The following ZFPM1 variants were observed in gnomAD, a reference collection of about 807,000 sequenced individuals.
ZFPM1 encodes the protein zinc finger protein ZFPM1.
A neutral mutation model predicts 46.3 loss-of-function variants in ZFPM1; 28 were observed. The observed-to-expected ratio is 0.60, with a 90% CI of 0.45 to 0.83. The LOEUF is 0.83. Ranked by LOEUF, ZFPM1 falls within the 40% of genes least tolerant of loss-of-function variation. The pLI is 0.00. For synonymous variants in ZFPM1, 957 were observed against 675.9 expected (o/e 1.42, Z -6.45); for missense variants, 1,878 against 1,432.4 (o/e 1.31, Z -5.02).
Position 88,528,033 on chromosome 16 carries a change from T to A in ZFPM1, c.507T>A (p.Asp169Glu), listed in dbSNP as rs574390569. The A allele has an allele frequency of 1.3e-6, 2 of 1,540,120 alleles. No homozygotes were observed. The highest frequency in any genetic ancestry group is 2.4e-5 in the South Asian group (2 of 83,856). Reference protein sequence around the residue: ...AEANTEIHRKDDALWCRVTKP... With the variant: ...AEANTEIHRKEDALWCRVTKP... ...GTTTGGACACCTGTCTCCCTCCAGA[T>A]GACGCACTCTGGTGCAGGGTCACCA... The change falls in exon 6 of 10, where the codon GAT (aspartate) becomes GAA (glutamate). Residue 169 changes from aspartate (D) to glutamate (E), a missense_variant and splice_region_variant. By Grantham distance (45) the Asp-to-Glu change is conservative. Coordinates refer to ENST00000319555, the MANE Select transcript of ZFPM1 (RefSeq NM_153813.3).
intron 4 of ZFPM1, chr16:88,516,310 C>A: frequency 2.5e-6 from 1 of 398,062 alleles, no homozygotes. Flanking sequence ...GTCACCCCTC[C>A]CTGTCCGCCT....
intron 3 of ZFPM1, among the ~76,000 whole-genome samples, chr16:88,502,409 T>G (rs1402294298): frequency 6.6e-6 from 1 of 151,954 alleles, no homozygotes; most frequent in East Asian, 1.9e-4. Flanking sequence ...CCCATAGGCC[T>G]GACGCCTCTG....
At position 88,532,927 on chromosome 16, in the gene ZFPM1, T is replaced by G. The variant is rs756592210; in HGVS notation, c.1181T>G (p.Leu394Arg). 14 of 1,612,992 alleles carry G rather than the reference T, an allele frequency of 8.7e-6. No individual in the cohort carries two copies. The highest frequency in any genetic ancestry group is 3.3e-5 in the Admixed American group (2 of 60,012). ...SPGAGHPATKLPPDSLGSFQQ... is the reference protein window; with the variant it reads ...SPGAGHPATKRPPDSLGSFQQ... Reference sequence around the variant, plus strand: ...GGGGCCGGACACCCAGCAACCAAGCTGCCCCCAGGTGAGCAGCCCTGTGGG... The same window carrying G: ...GGGGCCGGACACCCAGCAACCAAGCGGCCCCCAGGTGAGCAGCCCTGTGGG... The change falls in exon 9 of 10, where the codon CTG (leucine) becomes CGG (arginine). Residue 394 changes from leucine to arginine, a missense_variant. Leu to Arg is a moderately radical substitution (Grantham distance 102). Transcript: ENST00000319555.
Position 88,534,124 on chromosome 16 carries a change from A to G in ZFPM1, c.2166A>G (p.Gly722=), listed in dbSNP as rs1597292603. The G allele has an allele frequency of 6.4e-6, 7 of 1,088,606 alleles. No individual in the cohort carries two copies. Among genetic ancestry groups the G allele is most frequent in the South Asian group, 2.1e-5 (1 of 46,568 alleles). 67.4% of individuals were successfully genotyped at this position (1,088,606 alleles called of 1,614,324 possible). A position where few individuals can be genotyped will look rare whatever the true frequency, so the allele number is the denominator to read the frequency against. ...PPPRRPAAPP[G]PPGPAAPPAP... is the part of the protein sequence containing the mutation. ...CGCGCCGACCGGCCGCGCCCCCGGGACCCCCTGGGCCGGCCGCGCCCCCGG... is the reference window on the plus strand; with the variant it reads ...CGCGCCGACCGGCCGCGCCCCCGGGGCCCCCTGGGCCGGCCGCGCCCCCGG... The change falls in exon 10 of 10, where the codon GGA becomes GGG. Residue 722 remains glycine (G), a synonymous_variant. Coordinates refer to ENST00000319555, the MANE Select transcript of ZFPM1 (RefSeq NM_153813.3).
At chr16:88,509,078 C>G (rs1186295918) in intron 3 of ZFPM1, among the ~76,000 whole-genome samples, 1 of 152,144 alleles carries the variant, frequency 6.6e-6, no homozygotes, top group Non-Finnish European at 1.5e-5. Context: ...GTTTCTGTGT[C>G]TGTACAGGAT....
chr16:88,470,933 G>T (rs970115152), intron 1 of ZFPM1, among the ~76,000 whole-genome samples: 2 of 152,142 alleles, frequency 1.3e-5, no homozygotes, highest in Admixed American at 6.5e-5. Flanking sequence ...AGGGGATGAG[G>T]TCGTCCAGGA....
intron 3 of ZFPM1, among the ~76,000 whole-genome samples, chr16:88,504,865 T>C (rs1910563723): frequency 6.6e-6 from 1 of 152,060 alleles, no homozygotes; most frequent in South Asian, 2.1e-4. Context: ...CCTTGCCCTT[T>C]CCCTTAGAGA....
intron 4 of ZFPM1, among the ~76,000 whole-genome samples, chr16:88,526,454 C>G (rs1912328317): frequency 6.7e-6 from 1 of 150,310 alleles, no homozygotes; most frequent in Non-Finnish European, 1.5e-5. Context: ...GGGGAGAACA[C>G]AGATACGCAG....
chr16:88,532,267 G>A, intron 7 of ZFPM1, 32 bp downstream of exon 7: 1 of 1,549,490 alleles, frequency 6.5e-7, no homozygotes. Context: ...GGGTCCTCAG[G>A]ATGCCGGCTG....
At chr16:88,525,432 A>C (rs1597280922) in intron 4 of ZFPM1, among the ~76,000 whole-genome samples, 1 of 152,232 alleles carries the variant, frequency 6.6e-6, no homozygotes, top group Non-Finnish European at 1.5e-5. Context: ...CAGCGGCAGC[A>C]TTTGTAGGTG....
intron 1 of ZFPM1, among the ~76,000 whole-genome samples, chr16:88,467,929 C>A (rs1464379405): frequency 6.6e-6 from 1 of 152,122 alleles, no homozygotes; most frequent in African/African-American, 2.4e-5. Context: ...GAGCGGCCCC[C>A]CTTCCCCTTA....
chr16:88,489,012 G>A lies in ZFPM1; in HGVS notation c.146-19G>A, dbSNP rs200422221. ...GCCCGGCACTCAGCAGGGATGTGAC[G>A]GTGTTTTCCTCTCTGCAGATGTTAA... On this transcript the variant is annotated intron_variant, in intron 2 of 9. Transcript: ENST00000319555. 204 of 1,608,368 alleles carry A rather than the reference G, an allele frequency of 1.3e-4. No homozygotes were observed. The highest frequency in any genetic ancestry group is 2.5e-4 in the East Asian group (11 of 44,724).
At chr16:88,500,318 G>T (rs1416255043) in intron 3 of ZFPM1, among the ~76,000 whole-genome samples, 1 of 152,246 alleles carries the variant, frequency 6.6e-6, no homozygotes, top group Non-Finnish European at 1.5e-5. Flanking sequence ...CCCCCCATGA[G>T]CTGGTGGCCT....
At chr16:88,502,197 T>A (rs1242547335) in intron 3 of ZFPM1, among the ~76,000 whole-genome samples, 1 of 151,928 alleles carries the variant, frequency 6.6e-6, no homozygotes, top group Admixed American at 6.6e-5. Context: ...ATAAGATCGG[T>A]CCCCGGAGAT....
At chr16:88,526,943 C>A in intron 5 of ZFPM1, 27 bp downstream of exon 5, 1 of 1,542,256 alleles carries the variant, frequency 6.5e-7, no homozygotes, top group Non-Finnish European at 8.8e-7. Flanking sequence ...ACCTCCGTCC[C>A]AAGCCTTCCG....
In ZFPM1 at chr16:88,533,878, C is replaced by A; in HGVS notation, c.1920C>A (p.Gly640=). ...CCGACGCGCCGCGCTCGTCCCCGGG[C>A]CCCGGAGCGCGCGAGGAGGGGGCTG... is the stretch of plus-strand genomic sequence containing the variant. ...AEPDAPRSSP[G]PGAREEGAGG... The change falls in exon 10 of 10, where the codon GGC becomes GGA. Residue 640 remains glycine, a synonymous_variant. Transcript: ENST00000319555. The A allele has an allele frequency of 1.0e-6, 1 of 1,000,824 alleles. No homozygotes were observed. Among genetic ancestry groups the A allele is most frequent in the Non-Finnish European group, 1.2e-6 (1 of 841,784 alleles). The allele number at this position is 1,000,824 out of a possible 1,614,324, so 62.0% of individuals were successfully genotyped here. A position where few individuals can be genotyped will look rare whatever the true frequency, so the allele number is the denominator to read the frequency against.
chr16:88,490,827 C>A (rs950957848), intron 3 of ZFPM1, among the ~76,000 whole-genome samples: 1 of 152,156 alleles, frequency 6.6e-6, no homozygotes, highest in Non-Finnish European at 1.5e-5. Context: ...CCCCTGCTGT[C>A]CCCCAGGAAG....
chr16:88,502,429 C>T (rs1438229601), intron 3 of ZFPM1, among the ~76,000 whole-genome samples: 4 of 152,174 alleles, frequency 2.6e-5, no homozygotes, highest in Admixed American at 6.5e-5. Context: ...GTGCTTGCCC[C>T]TCCATGTCCC....
At chr16:88,487,156 C>T (rs1909277272) in intron 2 of ZFPM1, among the ~76,000 whole-genome samples, 2 of 152,156 alleles carry the variant, frequency 1.3e-5, no homozygotes, top group Non-Finnish European at 2.9e-5. Flanking sequence ...CCAGACACAT[C>T]CAGAGACCCT....
Sources: allele counts gnomAD v4.1 joint callset (sites outside exome capture counted in the v4.1 genomes callset), GRCh38; gene constraint gnomAD v4.1.1; transcripts MANE v1.5; gene names NCBI Gene and HGNC (gene_info 2026-07-23, HGNC 2026-07-21).